SH3RF3: variants seen among roughly 807,000 people sequenced by gnomAD.
SH3RF3 encodes the protein E3 ubiquitin-protein ligase SH3RF3.
In SH3RF3, 29 loss-of-function variants were observed where a neutral mutation model predicts 66.3. The observed-to-expected ratio is 0.44, with a 90% CI of 0.33 to 0.60. The LOEUF is 0.60. Among genes scored for constraint, SH3RF3 ranks in the 20% least tolerant of loss-of-function variants. The pLI is 0.04. For synonymous variants in SH3RF3, 583 were observed against 532.0 expected (o/e 1.10, Z -1.32); for missense variants, 1,194 against 1,190.9 (o/e 1.00, Z -0.04).
At chr2:109,253,210 T>A (rs902498278) in intron 1 of SH3RF3, among the ~76,000 whole-genome samples, 1 of 152,076 alleles carries the variant, frequency 6.6e-6, no homozygotes, top group African/African-American at 2.4e-5. Flanking sequence ...GTATTTTTAG[T>A]AGAGATGGGG....
At chr2:109,319,135 C>T (rs1681958046) in intron 1 of SH3RF3, among the ~76,000 whole-genome samples, 1 of 152,138 alleles carries the variant, frequency 6.6e-6, no homozygotes, top group African/African-American at 2.4e-5. Context: ...CCATCTCTGC[C>T]TAGATGGGGG....
intron 1 of SH3RF3, among the ~76,000 whole-genome samples, chr2:109,326,845 C>T (rs894102915): frequency 2.0e-5 from 3 of 152,284 alleles, no homozygotes; most frequent in East Asian, 1.9e-4. Flanking sequence ...TCCGTAGGTG[C>T]GCACAGCCAC....
intron 1 of SH3RF3, among the ~76,000 whole-genome samples, chr2:109,334,849 G>A (rs752440225): frequency 6.6e-6 from 1 of 152,184 alleles, no homozygotes; most frequent in Admixed American, 6.5e-5. Flanking sequence ...AGCACTTCCA[G>A]GACAGGTGGA....
chr2:109,253,538 T>A (rs1300741313), intron 1 of SH3RF3, among the ~76,000 whole-genome samples: 1 of 152,184 alleles, frequency 6.6e-6, no homozygotes, highest in African/African-American at 2.4e-5. Flanking sequence ...ATACCACTTG[T>A]GTCCATGATT....
chr2:109,222,902 G>A (rs988108615), intron 1 of SH3RF3, among the ~76,000 whole-genome samples: 27 of 152,370 alleles, frequency 1.8e-4, no homozygotes, highest in Non-Finnish European at 3.2e-4. Context: ...TATCCCACAT[G>A]GGGACTCAGC....
intron 1 of SH3RF3, among the ~76,000 whole-genome samples, chr2:109,321,515 G>A (rs1682026308): frequency 6.6e-6 from 1 of 152,198 alleles, no homozygotes; most frequent in Non-Finnish European, 1.5e-5. Context: ...AAATGTTGTG[G>A]TTGATGTTTT....
chr2:109,491,060 C>T lies in SH3RF3; in HGVS notation c.2480+124C>T, dbSNP rs1233998255. On this transcript the variant is annotated intron_variant, in intron 9 of 9. Transcript: ENST00000309415. ...ATTAGGTTTACCAGATGTACCTCAA[C>T]ACCCAGATCCACATGGTCCCGAGCT... 2.4e-5 allele frequency: 21 copies of T among 878,366 alleles called. No homozygotes were observed. In the East Asian group the frequency reaches 5.1e-4, roughly 21 times the overall value. 54.4% of individuals were successfully genotyped at this position (878,366 alleles called of 1,614,324 possible). A position where few individuals can be genotyped will look rare whatever the true frequency, so the allele number is the denominator to read the frequency against.
chr2:109,369,353 A>AT (rs552622727), intron 2 of SH3RF3, among the ~76,000 whole-genome samples: 55 of 152,306 alleles, frequency 3.6e-4, no homozygotes, highest in African/African-American at 1.3e-3. Flanking sequence ...GTCTAAAAAA[A>AT]GAAAAAGAAA....
chr2:109,189,740 C>A (rs6727584), intron 1 of SH3RF3, among the ~76,000 whole-genome samples: 7,290 of 152,254 alleles, frequency 0.048, 457 homozygotes, highest in East Asian at 0.32. Flanking sequence ...AGGTTTGCAT[C>A]ATTATCTGCA....
intron 5 of SH3RF3, among the ~76,000 whole-genome samples, chr2:109,424,849 C>CT (rs1676987709): frequency 6.6e-6 from 1 of 152,160 alleles, no homozygotes; most frequent in South Asian, 2.1e-4. Flanking sequence ...TAAGTGACCT[C>CT]TAAGTGGTCA....
At chr2:109,243,792 A>G (rs1351282737) in intron 1 of SH3RF3, among the ~76,000 whole-genome samples, 1 of 152,170 alleles carries the variant, frequency 6.6e-6, no homozygotes, top group African/African-American at 2.4e-5. Flanking sequence ...AGTTTGGGAC[A>G]TGTTCTCTGT....
chr2:109,314,198 ATG>A (rs1681814247), intron 1 of SH3RF3, among the ~76,000 whole-genome samples: 1 of 152,118 alleles, frequency 6.6e-6, no homozygotes, highest in African/African-American at 2.4e-5. Flanking sequence ...GTGTCCAGAG[ATG>A]GGGGCACCAG....
chr2:109,208,475 G>A (rs1228874022), intron 1 of SH3RF3, among the ~76,000 whole-genome samples: 1 of 152,176 alleles, frequency 6.6e-6, no homozygotes, highest in Admixed American at 6.5e-5. Context: ...CTGTGGAGAA[G>A]GGCAAAGGCT....
At chr2:109,293,761 G>A (rs539007213) in intron 1 of SH3RF3, among the ~76,000 whole-genome samples, 148 of 152,346 alleles carry the variant, frequency 9.7e-4, no homozygotes, top group Non-Finnish European at 1.6e-3. Flanking sequence ...CATGTGAACA[G>A]GGTGCACCCT....
At chr2:109,402,318 A>T (rs1676337839) in intron 4 of SH3RF3, among the ~76,000 whole-genome samples, 1 of 152,222 alleles carries the variant, frequency 6.6e-6, no homozygotes, top group Admixed American at 6.5e-5. Context: ...TGCTGCAGGG[A>T]TTCTCTTCCC....
intron 1 of SH3RF3, among the ~76,000 whole-genome samples, chr2:109,315,908 A>G (rs1020895339): frequency 1.3e-5 from 2 of 152,146 alleles, no homozygotes; most frequent in Non-Finnish European, 2.9e-5. Context: ...CGACCAGCAT[A>G]GGTCTGTGTC....
At chr2:109,463,231 T>A (rs1434149094) in intron 8 of SH3RF3, among the ~76,000 whole-genome samples, 1 of 152,274 alleles carries the variant, frequency 6.6e-6, no homozygotes, top group Non-Finnish European at 1.5e-5. Context: ...AGCCCATCTA[T>A]TTCTCTTCCA....
chr2:109,478,372 C>T (rs1051716671), intron 8 of SH3RF3, among the ~76,000 whole-genome samples: 5 of 152,320 alleles, frequency 3.3e-5, no homozygotes, highest in African/African-American at 9.6e-5. Flanking sequence ...TTCCCAGTTA[C>T]GTCTTTAAAT....
At chr2:109,415,635 G>C (rs1676703690) in intron 4 of SH3RF3, among the ~76,000 whole-genome samples, 1 of 152,122 alleles carries the variant, frequency 6.6e-6, no homozygotes, top group Admixed American at 6.5e-5. Context: ...CTGTCCTCCA[G>C]GGACGCCGTG....
Sources: allele counts gnomAD v4.1 joint callset (sites outside exome capture counted in the v4.1 genomes callset), GRCh38; gene constraint gnomAD v4.1.1; transcripts MANE v1.5; gene names NCBI Gene and HGNC (gene_info 2026-07-23, HGNC 2026-07-21).